GALT: variants seen among roughly 807,000 people sequenced by gnomAD.
GALT encodes galactose-1-phosphate uridylyltransferase.
In GALT, 42 loss-of-function variants were observed where a neutral mutation model predicts 55.4. The observed-to-expected ratio is 0.76, with a 90% confidence interval of 0.59 to 0.98. GALT has a LOEUF of 0.98. Among genes scored for constraint, GALT ranks in the 50% least tolerant of loss-of-function variants. The probability of loss-of-function intolerance (pLI) is 0.00; values close to 1 mark genes in which losing one functional copy is unlikely to be tolerated. For synonymous variants in GALT, 154 were observed against 181.5 expected, an observed-to-expected ratio of 0.85 and a Z score of 1.22; for missense variants, 407 against 495.7, an observed-to-expected ratio of 0.82 and a Z score of 1.70.
chr9:34,648,027 G>C lies in GALT; in HGVS notation c.507+66G>C, dbSNP rs2132343486. On this transcript the variant is annotated intron_variant, in intron 5 of 10. Transcript: ENST00000378842. The surrounding 1 kb of genome is among the most constrained non-coding windows in gnomAD (Gnocchi z 4.9). ...GGTGATGAAGCTTTGGTTCTGGGGA[G>C]TAACATTTCTGTTTCCACAGGGTGT... The C allele has an allele frequency of 3.1e-6, 5 of 1,614,200 alleles. No individual in the cohort carries two copies. The highest frequency in any genetic ancestry group is 4.2e-6 in the Non-Finnish European group (5 of 1,180,040).
In GALT at chr9:34,649,456, G is replaced by A. The variant is rs111033787; in HGVS notation, c.951G>A (p.Gln317=). The change falls in exon 10 of 11, where the codon CAG becomes CAA. Residue 317 remains glutamine (Q), a synonymous_variant. Coordinates refer to ENST00000378842, the MANE Select transcript of GALT (RefSeq NM_000155.4). Reference sequence around the variant, plus strand: ...CTGGGGCCAACTGGAACCATTGGCAGCTGCACGCTCATTACTACCCTCCGC... The same window carrying A: ...CTGGGGCCAACTGGAACCATTGGCAACTGCACGCTCATTACTACCCTCCGC... ...SEAGANWNHW[Q]LHAHYYPPLL... 6.2e-7 allele frequency: 1 copy of A among 1,614,062 alleles called. No homozygotes were observed. Among genetic ancestry groups the A allele is most frequent in the Admixed American group, 1.7e-5 (1 of 60,012 alleles).
Position 34,648,246 on chromosome 9 carries a change from A to C in GALT, c.564+75A>C. 1 of 1,613,856 alleles carries C rather than the reference A, an allele frequency of 6.2e-7. No individual in the cohort carries two copies. The highest frequency in any genetic ancestry group is 8.5e-7 in the Non-Finnish European group (1 of 1,180,036). On this transcript the variant is annotated intron_variant, in intron 6 of 10. Transcript: ENST00000378842. The surrounding 1 kb of genome is among the most constrained non-coding windows in gnomAD (Gnocchi z 4.9). ...CACTGTGGACATGGGAACAGGATTAATGGATGGGACAGAGGAAATATGCCA... is the reference window on the plus strand; with the variant it reads ...CACTGTGGACATGGGAACAGGATTACTGGATGGGACAGAGGAAATATGCCA...
intron 9 of GALT, 96 bp downstream of exon 9, chr9:34,649,177 G>T: frequency 7.3e-7 from 1 of 1,372,518 alleles, no homozygotes. Flanking sequence ...AGCAAGCCTT[G>T]AAACAGTTGC....
At chr9:34,649,683 G>T in intron 10 of GALT, 119 bp downstream of exon 10, 1 of 1,248,716 alleles carries the variant, frequency 8.0e-7, no homozygotes, top group East Asian at 2.4e-5. Context: ...AGCTCTGGCA[G>T]GAAGGGACTG....
intron 10 of GALT, 42 bp downstream of exon 10, chr9:34,649,606 G>T (rs1467394418): frequency 1.9e-6 from 3 of 1,606,218 alleles, no homozygotes; most frequent in Non-Finnish European, 2.6e-6. Flanking sequence ...ACTCTCACAT[G>T]CAGTATGTGC....
At position 34,648,472 on chromosome 9, in the gene GALT, G is replaced by A. The variant is rs1432202471; in HGVS notation, c.687+16G>A. 6.2e-7 allele frequency: 1 copy of A among 1,614,154 alleles called. No homozygotes were observed. Among genetic ancestry groups the A allele is most frequent in the Admixed American group, 1.7e-5 (1 of 60,028 alleles). The stretch of plus-strand genomic sequence containing the variant: ...ACTCAGGAAGGTGGGAGAGAGCCAA[G>A]CCCTGTGTCCCCAAGGAGTCCCTAA... On this transcript the variant is annotated intron_variant, in intron 7 of 10. Transcript: ENST00000378842. This position sits in a 1 kb window ranked among gnomAD's most constrained non-coding sequence, Gnocchi z 4.9.
In GALT at chr9:34,647,370, A is replaced by G. The variant is rs1419610342; in HGVS notation, c.252+112A>G. ...ACCTCCTTCTGGGTCATATCCCACC[A>G]AGCTTTTTGGTCCCCTAGGGTGGGC... On this transcript the variant is annotated intron_variant, in intron 2 of 10. Transcript: ENST00000378842. The surrounding 1 kb of genome is among the most constrained non-coding windows in gnomAD (Gnocchi z 5.6). 1.5e-5 allele frequency: 23 copies of G among 1,583,776 alleles called. No individual in the cohort carries two copies. Among genetic ancestry groups the G allele is most frequent in the Non-Finnish European group, 1.8e-5 (21 of 1,153,492 alleles).
intron 1 of GALT, 66 bp downstream of exon 1, chr9:34,646,852 T>G: frequency 6.2e-7 from 1 of 1,611,148 alleles, no homozygotes; most frequent in Non-Finnish European, 8.5e-7. Context: ...TTAGGAAGCT[T>G]TCGTCCCCTC....
intron 1 of GALT, 71 bp downstream of exon 1, chr9:34,646,857 C>T (rs1332504252): frequency 6.2e-7 from 1 of 1,610,454 alleles, no homozygotes; most frequent in Non-Finnish European, 8.5e-7. Flanking sequence ...AAGCTTTCGT[C>T]CCCTCCGAAG....
chr9:34,649,352 T>C (rs2132346059), intron 9 of GALT, 58 bp from the exon 10 acceptor site: 1 of 1,610,606 alleles, frequency 6.2e-7, no homozygotes. Flanking sequence ...GAGTAGGTGC[T>C]AACCTGGATA....
chr9:34,649,032 G>T lies in GALT; in HGVS notation c.855G>T (p.Lys285Asn), dbSNP rs111033773. 285 of 1,614,162 alleles carry T rather than the reference G, an allele frequency of 1.8e-4. No homozygotes were observed. Among genetic ancestry groups the T allele is most frequent in the Non-Finnish European group, 2.2e-4 (264 of 1,180,034 alleles). The part of the protein sequence containing the change: ...LASIMKKLLT[K>N]YDNLFETSFP... ...CCATCATGAAGAAGCTCTTGACCAAGTATGACAACCTCTTTGAGACGTCCT... is the reference window on the plus strand; with the variant it reads ...CCATCATGAAGAAGCTCTTGACCAATTATGACAACCTCTTTGAGACGTCCT... Residue 285 changes from lysine to asparagine, a missense_variant, in exon 9 of 11, where the codon AAG becomes AAT. Coordinates refer to ENST00000378842, the MANE Select transcript of GALT (RefSeq NM_000155.4).
chr9:34,648,758 C>T lies in GALT; in HGVS notation c.688-4C>T, dbSNP rs374014228. 306 of 1,613,006 alleles carry T rather than the reference C, an allele frequency of 1.9e-4. 1 individual carries two copies. Among genetic ancestry groups the T allele is most frequent in the Non-Finnish European group, 2.5e-4 (294 of 1,179,978 alleles). On this transcript the variant is annotated splice_region_variant and splice_polypyrimidine_tract_variant and intron_variant, in intron 7 of 10. Coordinates refer to ENST00000378842, the MANE Select transcript of GALT (RefSeq NM_000155.4). The surrounding 1 kb of genome is among the most constrained non-coding windows in gnomAD (Gnocchi z 4.9). Reference sequence around the variant, plus strand: ...ATGACTTCCTATCCATTCTGTCTTCCTAGGAACGTCTGGTCCTAACCAGTG... The same window carrying T: ...ATGACTTCCTATCCATTCTGTCTTCTTAGGAACGTCTGGTCCTAACCAGTG...
Position 34,650,737 on chromosome 9 carries a change from G to T in GALT, c.*288G>T. 4.6e-6 allele frequency: 2 copies of T among 434,864 alleles called. No homozygotes were observed. Among genetic ancestry groups the T allele is most frequent in the East Asian group, 4.4e-5 (1 of 22,512 alleles). The allele number at this position is 434,864 out of a possible 1,614,324, so 26.9% of individuals were successfully genotyped here. On this transcript the variant is annotated 3_prime_UTR_variant, in exon 11 of 11. Coordinates refer to ENST00000378842, the MANE Select transcript of GALT (RefSeq NM_000155.4). ...AATTTCTGAACAAAATTAATATTCA[G>T]TATTATATCTAGCCTATAGATTCTC...
intron 9 of GALT, 141 bp downstream of exon 9, chr9:34,649,222 G>A: frequency 8.4e-7 from 1 of 1,194,826 alleles, no homozygotes; most frequent in East Asian, 2.3e-5. Context: ...TGCTGGGACT[G>A]AGGGTGGAGC....
intron 10 of GALT, chr9:34,650,124 A>G (rs967607665): frequency 4.4e-5 from 22 of 501,050 alleles, no homozygotes; most frequent in African/African-American, 3.7e-4. Context: ...TACAAAAAAA[A>G]TTTAAAAAGT....
chr9:34,648,272 A>G lies in GALT; in HGVS notation c.565-62A>G, dbSNP rs1310808051. 6 of 1,613,842 alleles carry G rather than the reference A, an allele frequency of 3.7e-6. No individual in the cohort carries two copies. The East Asian group carries it at 1.1e-4, about 30-fold the overall frequency. Reference sequence around the variant, plus strand: ...TGGATGGGACAGAGGAAATATGCCAATGATGTGGAGGCTTGGAGGTAAAGG... The same window carrying G: ...TGGATGGGACAGAGGAAATATGCCAGTGATGTGGAGGCTTGGAGGTAAAGG... On this transcript the variant is annotated intron_variant, in intron 6 of 10. Transcript: ENST00000378842. This position sits in a 1 kb window ranked among gnomAD's most constrained non-coding sequence, Gnocchi z 4.9.
chr9:34,648,898 A>G lies in GALT; in HGVS notation c.820+4A>G. 3 of 1,613,496 alleles carry G rather than the reference A, an allele frequency of 1.9e-6. No individual in the cohort carries two copies. The highest frequency in any genetic ancestry group is 2.5e-6 in the Non-Finnish European group (3 of 1,180,036). On this transcript the variant is annotated splice_donor_region_variant and intron_variant, in intron 8 of 10. Coordinates refer to ENST00000378842, the MANE Select transcript of GALT (RefSeq NM_000155.4). The surrounding 1 kb of genome is among the most constrained non-coding windows in gnomAD (Gnocchi z 4.9). ...CTGACCCCTGCTGAGCGTGATGGTC[A>G]GTCTCCCAAGTAGGATCCTGGGGCT...
At position 34,648,599 on chromosome 9, in the gene GALT, G is replaced by A; in HGVS notation, c.687+143G>A. 6.6e-7 allele frequency: 1 copy of A among 1,509,924 alleles called. No homozygotes were observed. The highest frequency in any genetic ancestry group is 1.4e-5 in the African/African-American group (1 of 72,902). The allele number at this position is 1,509,924 out of a possible 1,614,324, so 93.5% of individuals were successfully genotyped here. A position where few individuals can be genotyped will look rare whatever the true frequency, so the allele number is the denominator to read the frequency against. On this transcript the variant is annotated intron_variant, in intron 7 of 10. Transcript: ENST00000378842. This position sits in a 1 kb window ranked among gnomAD's most constrained non-coding sequence, Gnocchi z 4.9. ...CTTAGCAATAATCCAGTAATCTAAA[G>A]GAAAGATGATGGTGACTTAGACTCG...
In GALT at chr9:34,648,397, A is replaced by G. The variant is rs896091797; in HGVS notation, c.628A>G (p.Lys210Glu). The change falls in exon 7 of 11, where the codon AAG becomes GAG. Residue 210 changes from lysine to glutamate, a missense_variant. Physicochemically the swap from Lys to Glu is moderately conservative, Grantham distance 56. Coordinates refer to ENST00000378842, the MANE Select transcript of GALT (RefSeq NM_000155.4). The surrounding 1 kb of genome is among the most constrained non-coding windows in gnomAD (Gnocchi z 4.9). ...TGAGGAGCGATCTCAGCAGGCCTATAAGAGTCAGCATGGAGAGCCCCTGCT... is the reference window on the plus strand; with the variant it reads ...TGAGGAGCGATCTCAGCAGGCCTATGAGAGTCAGCATGGAGAGCCCCTGCT... Reference protein sequence around the residue: ...QREERSQQAYKSQHGEPLLME... With the variant: ...QREERSQQAYESQHGEPLLME... 5.0e-6 allele frequency: 8 copies of G among 1,614,036 alleles called. No homozygotes were observed. Among genetic ancestry groups the G allele is most frequent in the South Asian group, 2.2e-5 (2 of 91,084 alleles).
Sources: allele counts gnomAD v4.1 joint callset, GRCh38; gene constraint gnomAD v4.1.1; non-coding constraint Gnocchi (gnomAD v3.1); transcripts MANE v1.5; gene names NCBI Gene and HGNC (gene_info 2026-07-23, HGNC 2026-07-21).